WDR49: variants seen among roughly 807,000 people sequenced by gnomAD.
WDR49 encodes WD repeat domain 49.
A neutral mutation model predicts 119.5 loss-of-function variants in WDR49; 107 were observed. The observed-to-expected ratio is 0.90, with a 90% CI of 0.77 to 1.05. The LOEUF is 1.05. Among genes scored for constraint, WDR49 ranks in the 50% least tolerant of loss-of-function variants. The probability of loss-of-function intolerance (pLI) is 0.00; values close to 1 mark genes in which losing one functional copy is unlikely to be tolerated. For synonymous variants in WDR49, 425 were observed against 418.8 expected (o/e 1.01, Z -0.18); for missense variants, 1,240 against 1,220.5 (o/e 1.02, Z -0.24).
At chr3:167,576,180 A>G (rs1046730856) in intron 7 of WDR49, 29 bp from the exon 8 acceptor site, 6 of 1,589,654 alleles carry the variant, frequency 3.8e-6, no homozygotes, top group Non-Finnish European at 5.2e-6. Context: ...AATCATTTCA[A>G]TATGTCAAAG....
intron 16 of WDR49, among the ~76,000 whole-genome samples, chr3:167,520,054 C>A (rs945356854): frequency 6.7e-6 from 1 of 149,540 alleles, no homozygotes; most frequent in African/African-American, 2.5e-5. Flanking sequence ...AGCAACATGA[C>A]AAAACCTCAT....
chr3:167,505,058 C>T (rs946867301), intron 17 of WDR49, among the ~76,000 whole-genome samples: 1 of 152,168 alleles, frequency 6.6e-6, no homozygotes, highest in African/African-American at 2.4e-5. Flanking sequence ...TTTTTTATAG[C>T]AATGCAAGAG....
intron 10 of WDR49, among the ~76,000 whole-genome samples, chr3:167,546,099 G>A (rs888474714): frequency 6.6e-6 from 1 of 151,752 alleles, no homozygotes; most frequent in South Asian, 2.1e-4. Flanking sequence ...CAGTGGGAGA[G>A]AGAAGGTCAA....
intron 5 of WDR49, among the ~76,000 whole-genome samples, chr3:167,610,429 T>C (rs1716286449): frequency 6.6e-6 from 1 of 152,190 alleles, no homozygotes; most frequent in Non-Finnish European, 1.5e-5. Context: ...GGGGTAGCAG[T>C]GGCTACAGGG....
At chr3:167,525,071 C>A (rs1389549484) in intron 15 of WDR49, among the ~76,000 whole-genome samples, 1 of 151,854 alleles carries the variant, frequency 6.6e-6, no homozygotes, top group Non-Finnish European at 1.5e-5. Flanking sequence ...TTGTGTCCTC[C>A]CTGATTTCCT....
At chr3:167,597,085 A>C (rs897672136) in intron 7 of WDR49, among the ~76,000 whole-genome samples, 3 of 152,160 alleles carry the variant, frequency 2.0e-5, no homozygotes, top group African/African-American at 7.2e-5. Flanking sequence ...GGCATTTTGG[A>C]GATCTTCGTC....
chr3:167,510,549 C>T (rs1463154772), intron 16 of WDR49, among the ~76,000 whole-genome samples: 1 of 152,054 alleles, frequency 6.6e-6, no homozygotes, highest in Non-Finnish European at 1.5e-5. Flanking sequence ...TTAGGCCTTT[C>T]TATTAATCTC....
At chr3:167,557,422 T>C (rs2108267828) in intron 9 of WDR49, among the ~76,000 whole-genome samples, 1 of 152,240 alleles carries the variant, frequency 6.6e-6, no homozygotes, top group South Asian at 2.1e-4. Flanking sequence ...TGCTCATTAG[T>C]AAGTAAGAAA....
At chr3:167,636,171 C>T (rs546623001) in intron 2 of WDR49, among the ~76,000 whole-genome samples, 7 of 151,692 alleles carry the variant, frequency 4.6e-5, no homozygotes, top group African/African-American at 1.4e-4. Flanking sequence ...TACGCCTTTG[C>T]ATCCTCATAA....
chr3:167,529,110 A>T lies in WDR49; in HGVS notation c.2348T>A (p.Met783Lys). The T allele has an allele frequency of 1.9e-6, 3 of 1,609,586 alleles. No individual in the cohort carries two copies. Among genetic ancestry groups the T allele is most frequent in the Non-Finnish European group, 2.5e-6 (3 of 1,178,634 alleles). The change falls in exon 14 of 19, where the codon ATG becomes AAG. Residue 783 changes from methionine (M) to lysine (K), a missense_variant. Met to Lys is a moderately conservative substitution (Grantham distance 95, BLOSUM62 -1). Transcript: ENST00000682715. ...ATCTCCTGTGGTAAGGTATCGATTC[A>T]TCTTATCAGTAGACATAATAATCGA... Reference protein sequence around the residue: ...VGSIIMSTDKMNRYLTTGDLD... With the variant: ...VGSIIMSTDKKNRYLTTGDLD...
At chr3:167,499,893 T>A (rs372818478) in intron 18 of WDR49, among the ~76,000 whole-genome samples, 2 of 152,202 alleles carry the variant, frequency 1.3e-5, no homozygotes, top group African/African-American at 4.8e-5. Context: ...GGAAGATTCA[T>A]AGATACATGT....
At chr3:167,498,781 G>T (rs975734350) in intron 18 of WDR49, among the ~76,000 whole-genome samples, 2 of 152,148 alleles carry the variant, frequency 1.3e-5, no homozygotes, top group South Asian at 2.1e-4. Flanking sequence ...TAGAGAGGGG[G>T]TTCAATACAG....
chr3:167,502,604 C>G (rs1751616022), intron 17 of WDR49, among the ~76,000 whole-genome samples: 1 of 152,168 alleles, frequency 6.6e-6, no homozygotes, highest in African/African-American at 2.4e-5. Flanking sequence ...TTACTGGGAA[C>G]TGGAGCAAAG....
At chr3:167,647,725 A>G (rs1038625866) in intron 2 of WDR49, among the ~76,000 whole-genome samples, 2 of 152,202 alleles carry the variant, frequency 1.3e-5, no homozygotes, top group African/African-American at 2.4e-5. Context: ...CTGAGGCTGC[A>G]GAATGCACTT....
chr3:167,519,098 T>C (rs1479269300), intron 16 of WDR49, among the ~76,000 whole-genome samples: 1 of 152,060 alleles, frequency 6.6e-6, no homozygotes, highest in African/African-American at 2.4e-5. Context: ...CCAGTCACAA[T>C]AGCAATTATT....
intron 15 of WDR49, among the ~76,000 whole-genome samples, chr3:167,524,489 G>A (rs1199005766): frequency 6.6e-6 from 1 of 152,104 alleles, no homozygotes; most frequent in African/African-American, 2.4e-5. Flanking sequence ...CCATGCCTAT[G>A]TCCTGTATGG....
Position 167,560,192 on chromosome 3 carries a change from A to G in WDR49, c.1546T>C (p.Trp516Arg), listed in dbSNP as rs756907318. 4.0e-5 allele frequency: 65 copies of G among 1,614,088 alleles called. No individual in the cohort carries two copies. The highest frequency in any genetic ancestry group is 5.3e-5 in the Non-Finnish European group (62 of 1,180,030). The change falls in exon 9 of 19, where the codon TGG becomes CGG. Residue 516 changes from tryptophan to arginine, a missense_variant. Transcript: ENST00000682715. ...SSDTGSTVSF[W>R]MIDTGQKIKQ... ...ATTTTCTGCCCAGTGTCTATCATCCAGAAGGAAACAGTAGACCCTGTATCA... is the reference window on the plus strand; with the variant it reads ...ATTTTCTGCCCAGTGTCTATCATCCGGAAGGAAACAGTAGACCCTGTATCA...
intron 5 of WDR49, among the ~76,000 whole-genome samples, chr3:167,612,678 A>G (rs1716396439): frequency 6.6e-6 from 1 of 152,232 alleles, no homozygotes; most frequent in South Asian, 2.1e-4. Context: ...AATGGCTACT[A>G]TGAGCAACTA....
At position 167,505,338 on chromosome 3, in the gene WDR49, A is replaced by C. The variant is rs1405773807; in HGVS notation, c.2853T>G (p.Pro951=). The C allele has an allele frequency of 6.5e-7, 1 of 1,527,400 alleles. No individual in the cohort carries two copies. The highest frequency in any genetic ancestry group is 1.4e-5 in the African/African-American group (1 of 70,518). 94.6% of individuals were successfully genotyped at this position (1,527,400 alleles called of 1,614,324 possible). ...ATTTTTTTATAACTTCACCATAATA[A>C]GGTTTTTGTGTTTCTTTCATGCAGG... ...RSTCMKETQK[P]YYGEVIKKSF... The change falls in exon 17 of 19, where the codon CCT becomes CCG. Residue 951 remains proline, a synonymous_variant. Transcript: ENST00000682715.
Sources: gnomAD v4.1 joint callset for allele counts (sites outside exome capture counted in the v4.1 genomes callset) on GRCh38, gnomAD v4.1.1 for gene constraint, MANE v1.5 for transcripts, NCBI Gene and HGNC (gene_info 2026-07-23, HGNC 2026-07-21) for gene names.